NR4A3: variants seen among roughly 807,000 people sequenced by gnomAD.
NR4A3 encodes nuclear receptor subfamily 4 group A member 3, also known as chondrosarcoma, extraskeletal myxoid, fused to EWS.
Under a neutral mutation model 55.6 loss-of-function variants are expected in NR4A3, and 13 were observed. The observed-to-expected ratio is 0.23, with a 90% CI of 0.15 to 0.37. NR4A3 has a LOEUF of 0.37. Ranked by LOEUF, NR4A3 falls within the 10% of genes least tolerant of loss-of-function variation. The pLI is 1.00. For synonymous variants in NR4A3, 342 were observed against 357.9 expected, an observed-to-expected ratio of 0.96 and a Z score of 0.50; for missense variants, 646 against 822.8, an observed-to-expected ratio of 0.79 and a Z score of 2.63.
chr9:99,827,290 G>GTGTATA (rs1554690807), intron 2 of NR4A3, among the ~76,000 whole-genome samples: 16 of 139,004 alleles, frequency 1.2e-4, no homozygotes, highest in African/African-American at 4.2e-4. Flanking sequence ...GTGTGTGTGT[G>GTGTATA]TATATATATA....
chr9:99,823,766 G>C (rs1918009), intron 1 of NR4A3, among the ~76,000 whole-genome samples: 53,368 of 146,304 alleles, frequency 0.36, 9,916 homozygotes, highest in African/African-American at 0.42. Flanking sequence ...CCACCCCTTT[G>C]CCTGGGACCG....
At chr9:99,836,090 C>A (rs895987622) in intron 5 of NR4A3, among the ~76,000 whole-genome samples, 1 of 152,086 alleles carries the variant, frequency 6.6e-6, no homozygotes, top group African/African-American at 2.4e-5. Flanking sequence ...GAGTTTTCAT[C>A]AAAAACTTGG....
At position 99,863,795 on chromosome 9, in the gene NR4A3, C is replaced by T; in HGVS notation, c.1809C>T (p.Tyr603=). The change falls in exon 8 of 8, where the codon TAC becomes TAT. Residue 603 remains tyrosine, a synonymous_variant. Coordinates refer to ENST00000395097, the MANE Select transcript of NR4A3 (RefSeq NM_006981.4). The stretch of plus-strand genomic sequence containing the variant: ...CCCTGGGCCTCCAGCGCATCTTCTA[C>T]CTGAAGCTGGAAGACTTGGTGTCTC... The part of the protein sequence containing the change: ...ICTLGLQRIF[Y]LKLEDLVSPP... The T allele has an allele frequency of 6.2e-7, 1 of 1,613,946 alleles. No individual in the cohort carries two copies. The highest frequency in any genetic ancestry group is 8.5e-7 in the Non-Finnish European group (1 of 1,179,946).
chr9:99,836,715 G>A (rs1056030996), intron 5 of NR4A3, among the ~76,000 whole-genome samples: 3 of 152,204 alleles, frequency 2.0e-5, no homozygotes, highest in African/African-American at 7.2e-5. Context: ...TAGCTGCTGT[G>A]GAAGTGTGAG....
Position 99,844,717 on chromosome 9 carries a change from G to C in NR4A3, c.1323G>C (p.Leu441=), listed in dbSNP as rs1827723843. ...ATGTGCAACAATTCTACAACCTCCT[G>C]ACAGCCTCCATTGATGTATCCAGAA... is the stretch of plus-strand genomic sequence containing the variant. The part of the protein sequence containing the change: ...AEHVQQFYNL[L]TASIDVSRSW... The change falls in exon 6 of 8, where the codon CTG becomes CTC. Residue 441 remains leucine (L), a synonymous_variant. Coordinates refer to ENST00000395097, the MANE Select transcript of NR4A3 (RefSeq NM_006981.4). 1.2e-6 allele frequency: 2 copies of C among 1,614,038 alleles called. No homozygotes were observed. The highest frequency in any genetic ancestry group is 1.7e-6 in the Non-Finnish European group (2 of 1,180,024).
chr9:99,827,726 T>C (rs772358954), intron 2 of NR4A3, among the ~76,000 whole-genome samples: 4 of 152,184 alleles, frequency 2.6e-5, no homozygotes, highest in African/African-American at 7.2e-5. Context: ...AAAGCCTCTT[T>C]TTAAAAACAT....
chr9:99,834,131 G>T, intron 5 of NR4A3: 1 of 793,860 alleles, frequency 1.3e-6, no homozygotes, highest in Non-Finnish European at 1.6e-6. Context: ...AATGACGATT[G>T]GTGTTGTTAT....
At chr9:99,847,892 G>A (rs879253404) in intron 7 of NR4A3, among the ~76,000 whole-genome samples, 1 of 152,188 alleles carries the variant, frequency 6.6e-6, no homozygotes, top group Admixed American at 6.5e-5. Context: ...TGTGGACAGT[G>A]GGACTAGCTG....
At chr9:99,836,201 G>A (rs1309584268) in intron 5 of NR4A3, among the ~76,000 whole-genome samples, 1 of 152,168 alleles carries the variant, frequency 6.6e-6, no homozygotes, top group Non-Finnish European at 1.5e-5. Flanking sequence ...GAGTGATCTC[G>A]ACAGGTTGGA....
intron 5 of NR4A3, among the ~76,000 whole-genome samples, chr9:99,838,779 A>G (rs1353511166): frequency 6.6e-6 from 1 of 152,242 alleles, no homozygotes; most frequent in African/African-American, 2.4e-5. Context: ...AGAACTGGGA[A>G]GAAGGAGAGG....
intron 2 of NR4A3, among the ~76,000 whole-genome samples, chr9:99,826,533 G>A (rs1587870911): frequency 1.3e-5 from 2 of 152,214 alleles, no homozygotes; most frequent in South Asian, 2.1e-4. Context: ...AAATCCTAGA[G>A]GTGCTGAAGG....
chr9:99,839,217 C>A (rs1434845286), intron 5 of NR4A3, among the ~76,000 whole-genome samples: 1 of 152,154 alleles, frequency 6.6e-6, no homozygotes, highest in East Asian at 1.9e-4. Context: ...AAAATATATT[C>A]ATTGCCAATT....
At chr9:99,855,559 C>G (rs764599609) in intron 7 of NR4A3, among the ~76,000 whole-genome samples, 16 of 152,182 alleles carry the variant, frequency 1.1e-4, no homozygotes, top group Admixed American at 9.8e-4. Context: ...CAGACACATA[C>G]TCTACCAAAT....
chr9:99,852,071 G>A (rs1827858381), intron 7 of NR4A3, among the ~76,000 whole-genome samples: 1 of 152,212 alleles, frequency 6.6e-6, no homozygotes, highest in Admixed American at 6.5e-5. Context: ...AAAAGGGACA[G>A]ATGCAGTGTA....
intron 6 of NR4A3, 123 bp from the exon 7 acceptor site, chr9:99,847,314 A>T: frequency 1.2e-6 from 1 of 839,574 alleles, no homozygotes; most frequent in East Asian, 2.4e-5. Context: ...GGCATGCTTC[A>T]TAGCACCACA....
rs1827484636 is a variant in NR4A3 at position 99,833,298 on chromosome 9, T to C, written c.1098T>C (p.Ser366=). The change falls in exon 5 of 8, where the codon AGT becomes AGC. Residue 366 remains serine (S), a synonymous_variant. Coordinates refer to ENST00000395097, the MANE Select transcript of NR4A3 (RefSeq NM_006981.4). ...TGGCATCAGTTGTCCGTACAGATAG[T>C]CTGAAAGGGAGGAGAGGTCGTCTGC... ...GMVKEVVRTD[S]LKGRRGRLPS... is the part of the protein sequence containing the mutation. 5.6e-6 allele frequency: 9 copies of C among 1,612,360 alleles called. No homozygotes were observed. The highest frequency in any genetic ancestry group is 1.3e-5 in the African/African-American group (1 of 74,776).
chr9:99,843,816 C>T (rs927375966), intron 5 of NR4A3, among the ~76,000 whole-genome samples: 3 of 151,762 alleles, frequency 2.0e-5, no homozygotes, highest in African/African-American at 4.8e-5. Context: ...TGCAGTGGCA[C>T]GATCTTGGCT....
Position 99,828,579 on chromosome 9 carries a change from G to A in NR4A3, c.537G>A (p.Ala179=), listed in dbSNP as rs1193941089. 1 of 1,565,058 alleles carries A rather than the reference G, an allele frequency of 6.4e-7. No homozygotes were observed. The highest frequency in any genetic ancestry group is 1.4e-5 in the African/African-American group (1 of 72,740). Reference sequence around the variant, plus strand: ...CGCTGCTGGACCCGCCGATGAAGGCGGTCCCCACGGTGGCCGGCGCGCGCT... The same window carrying A: ...CGCTGCTGGACCCGCCGATGAAGGCAGTCCCCACGGTGGCCGGCGCGCGCT... ...PGPLLDPPMK[A]VPTVAGARFP... Residue 179 remains alanine, a synonymous_variant, in exon 3 of 8, where the codon GCG becomes GCA. Transcript: ENST00000395097. This position sits in a 1 kb window ranked among gnomAD's most constrained non-coding sequence, Gnocchi z 7.7.
At chr9:99,850,047 T>C (rs1827820848) in intron 7 of NR4A3, among the ~76,000 whole-genome samples, 1 of 152,220 alleles carries the variant, frequency 6.6e-6, no homozygotes, top group African/African-American at 2.4e-5. Context: ...ATTGAAAATA[T>C]GGCTAAGTTT....
Sources: allele counts gnomAD v4.1 joint callset (sites outside exome capture counted in the v4.1 genomes callset), GRCh38; gene constraint gnomAD v4.1.1; non-coding constraint Gnocchi (gnomAD v3.1); transcripts MANE v1.5; gene names NCBI Gene and HGNC (gene_info 2026-07-23, HGNC 2026-07-21).